Variants in NCEH1 observed in about 807,000 individuals in gnomAD.
The protein encoded by NCEH1 is neutral cholesterol ester hydrolase 1.
A neutral mutation model predicts 25.4 loss-of-function variants in NCEH1; 9 were observed. That is an observed-to-expected ratio of 0.35 (90% CI 0.21 to 0.62). The LOEUF is 0.62. NCEH1 is among the 20% of genes least tolerant of loss of function. NCEH1 has a pLI of 0.72. For missense variants in NCEH1, 412 were observed against 501.1 expected (o/e 0.82, Z 1.70); for synonymous variants, 200 against 199.8 (o/e 1.00, Z -0.01).
At position 172,667,627 on chromosome 3, in the gene NCEH1, A is replaced by C. The variant is rs945787383; in HGVS notation, c.139-19513T>G. On this transcript the variant is annotated intron_variant, in intron 1 of 4. Transcript: ENST00000475381. ...AACCAGGGAGGGAAAACAGTCGAAC[A>C]CTCCCTGTCTTTTCCTCCACCCTAG... Among the ~76,000 whole-genome samples, 36 of 152,000 alleles carry C rather than the reference A, an allele frequency of 2.4e-4. 1 individual carries two copies. The South Asian group carries it at 3.5e-3, about 15-fold the overall frequency.
intron 1 of NCEH1, among the ~76,000 whole-genome samples, chr3:172,669,622 C>T (rs139105277): frequency 0.052 from 7,906 of 152,242 alleles, 593 homozygotes; most frequent in African/African-American, 0.17. Flanking sequence ...CTGCAACCTC[C>T]GCCTCCTGGG....
intron 3 of NCEH1, among the ~76,000 whole-genome samples, chr3:172,637,091 T>C (rs910655674): frequency 3.3e-5 from 5 of 152,144 alleles, no homozygotes; most frequent in Admixed American, 3.3e-4. Flanking sequence ...ATGAAAATTA[T>C]CATATGTTTT....
At chr3:172,640,799 G>A (rs187322605) in intron 3 of NCEH1, among the ~76,000 whole-genome samples, 3 of 151,928 alleles carry the variant, frequency 2.0e-5, no homozygotes, top group East Asian at 3.9e-4. Flanking sequence ...GAGCCACTGC[G>A]CCCGGCCCCC....
intron 1 of NCEH1, among the ~76,000 whole-genome samples, chr3:172,691,839 CG>C (rs1713063064): frequency 6.6e-6 from 1 of 152,068 alleles, no homozygotes; most frequent in African/African-American, 2.4e-5. Flanking sequence ...CTCATCTACT[CG>C]GGAGGCTGAG....
chr3:172,664,432 T>C lies in NCEH1; in HGVS notation c.139-16318A>G, dbSNP rs182742921. On this transcript the variant is annotated intron_variant, in intron 1 of 4. Transcript: ENST00000475381. ...TCAACCTTGGTGAATCTGACAATTA[T>C]GTGTCTTGGGGTTGCTCTTCACGAG... Among the ~76,000 whole-genome samples the C allele has an allele frequency of 5.0e-3, 760 of 152,310 alleles. 6 individuals carry two copies. Among genetic ancestry groups the C allele is most frequent in the Admixed American group, 7.3e-3 (111 of 15,294 alleles).
Position 172,683,154 on chromosome 3 carries a change from AGCAC to A in NCEH1, c.138+27689_138+27692del, listed in dbSNP as rs1712487244. On this transcript the variant is annotated intron_variant, in intron 1 of 4. Coordinates refer to ENST00000475381, the MANE Select transcript of NCEH1 (RefSeq NM_020792.6). ...CGCGGTGGCTCACGCCTGTAATCCC[AGCAC>A]TTTGGGAGGCCGAGGCGGGCGGATC... 3.2e-4 allele frequency among the ~76,000 whole-genome samples: 21 copies of A among 64,796 alleles called. 1 individual carries two copies. The highest frequency in any genetic ancestry group is 3.6e-4 in the African/African-American group (5 of 13,818). 42.5% of individuals were successfully genotyped at this position (64,796 alleles called of 152,430 possible). A position where few individuals can be genotyped will look rare whatever the true frequency, so the allele number is the denominator to read the frequency against.
chr3:172,672,974 G>C (rs1711727482), intron 1 of NCEH1, among the ~76,000 whole-genome samples: 1 of 152,118 alleles, frequency 6.6e-6, no homozygotes, highest in Non-Finnish European at 1.5e-5. Flanking sequence ...TGGGTCCTGG[G>C]GCCCAAACCT....
intron 1 of NCEH1, among the ~76,000 whole-genome samples, chr3:172,650,358 C>G (rs1245026497): frequency 6.6e-6 from 1 of 151,774 alleles, no homozygotes; most frequent in Non-Finnish European, 1.5e-5. Flanking sequence ...TAAAAATTAG[C>G]TGGGACCGGG....
At chr3:172,690,972 C>A (rs564094026) in intron 1 of NCEH1, among the ~76,000 whole-genome samples, 27 of 148,008 alleles carry the variant, frequency 1.8e-4, no homozygotes, top group African/African-American at 6.4e-4. Context: ...ATTTTTAAAG[C>A]AGCTATGACA....
chr3:172,688,513 G>A (rs546637582), intron 1 of NCEH1, among the ~76,000 whole-genome samples: 2 of 151,992 alleles, frequency 1.3e-5, no homozygotes, highest in Admixed American at 6.6e-5. Context: ...TCACTCTTGG[G>A]GGAAATAACA....
chr3:172,647,958 G>C lies in NCEH1; in HGVS notation c.295C>G (p.Pro99Ala). 3.7e-6 allele frequency: 6 copies of C among 1,614,154 alleles called. No homozygotes were observed. The highest frequency in any genetic ancestry group is 5.1e-6 in the Non-Finnish European group (6 of 1,180,038). The change falls in exon 2 of 5, where the codon CCG (proline) becomes GCG (alanine). Residue 99 changes from proline (P) to alanine (A), a missense_variant. By Grantham distance (27) the Pro-to-Ala change is conservative. Transcript: ENST00000475381. ...GVEVRVFEGP[P>A]KPEEPLKRSV... ...CGTTTCAGTGGCTCTTCGGGCTTCGGAGGGCCTTCAAACACTCTGACTTCC... is the reference window on the plus strand; with the variant it reads ...CGTTTCAGTGGCTCTTCGGGCTTCGCAGGGCCTTCAAACACTCTGACTTCC...
chr3:172,649,345 A>G (rs957628162), intron 1 of NCEH1, among the ~76,000 whole-genome samples: 2 of 152,224 alleles, frequency 1.3e-5, no homozygotes, highest in Non-Finnish European at 2.9e-5. Context: ...AAACAAGAAC[A>G]AGAGGCAGTT....
chr3:172,709,934 T>C (rs1249658336), intron 1 of NCEH1, among the ~76,000 whole-genome samples: 3 of 152,172 alleles, frequency 2.0e-5, no homozygotes, highest in Non-Finnish European at 4.4e-5. Context: ...TACTGTCCAA[T>C]CAGAGGGCTC....
intron 1 of NCEH1, among the ~76,000 whole-genome samples, chr3:172,685,649 C>T (rs1013901878): frequency 2.0e-5 from 3 of 152,120 alleles, no homozygotes; most frequent in African/African-American, 4.8e-5. Context: ...CTTCTGCAAC[C>T]CTAACTTTTT....
At chr3:172,658,959 G>T (rs962310508) in intron 1 of NCEH1, among the ~76,000 whole-genome samples, 1 of 149,662 alleles carries the variant, frequency 6.7e-6, no homozygotes, top group African/African-American at 2.5e-5. Context: ...ATATGTCAAG[G>T]GCAGTAGCTC....
At chr3:172,645,721 C>A (rs777792749) in intron 2 of NCEH1, 29 bp from the exon 3 acceptor site, 1 of 1,417,394 alleles carries the variant, frequency 7.1e-7, no homozygotes, top group Non-Finnish European at 9.8e-7. Flanking sequence ...ACAATCATTA[C>A]AAAACAGGTC....
In NCEH1 at chr3:172,630,981, T is replaced by G. The variant is rs1716320248; in HGVS notation, c.*2494A>C. 2.0e-5 allele frequency: 3 copies of G among 151,946 alleles called. No homozygotes were observed. In the South Asian group the frequency reaches 6.2e-4, roughly 32 times the overall value. 9.4% of individuals were successfully genotyped at this position (151,946 alleles called of 1,614,324 possible). On this transcript the variant is annotated 3_prime_UTR_variant, in exon 5 of 5. Transcript: ENST00000475381. ...AGACAATTTTACAAAAAGATTATCA[T>G]TTTTTTCATAAAATAGGAAAAGAAA...
intron 1 of NCEH1, among the ~76,000 whole-genome samples, chr3:172,697,449 T>C (rs965648998): frequency 6.6e-6 from 1 of 152,180 alleles, no homozygotes; most frequent in Admixed American, 6.5e-5. Context: ...TCTACCTCTC[T>C]TGGGTGTTTC....
rs1211966298 is a variant in NCEH1, at chr3:172,648,070, T to C, written c.183A>G (p.Ala61=). 2 of 1,613,996 alleles carry C rather than the reference T, an allele frequency of 1.2e-6. No homozygotes were observed. The highest frequency in any genetic ancestry group is 1.3e-5 in the African/African-American group (1 of 74,904). The stretch of plus-strand genomic sequence containing the variant: ...CAAAAGAAACAATGATAAAATTCAG[T>C]GCCAGCAGGTGATGGCTCAGTCCCA... The part of the protein sequence containing the change: ...HYLGLSHHLL[A]LNFIIVSFGK... Residue 61 remains alanine, a synonymous_variant, in exon 2 of 5, where the codon GCA becomes GCG. Coordinates refer to ENST00000475381, the MANE Select transcript of NCEH1 (RefSeq NM_020792.6).
Sources: gnomAD v4.1 joint callset for allele counts (sites outside exome capture counted in the v4.1 genomes callset) on GRCh38, gnomAD v4.1.1 for gene constraint, MANE v1.5 for transcripts, NCBI Gene and HGNC (gene_info 2026-07-23, HGNC 2026-07-21) for gene names.